Variants in FBXW11 observed in about 807,000 individuals in gnomAD.
FBXW11 encodes the protein F-box and WD repeat domain containing 11.
FBXW11 carries 19 observed loss-of-function variants against 77.6 expected under a neutral mutation model. The observed-to-expected ratio is 0.24, with a 90% confidence interval of 0.17 to 0.36. The LOEUF (loss-of-function observed/expected upper bound fraction) is 0.36. Among genes scored for constraint, FBXW11 ranks in the 10% least tolerant of loss-of-function variants. The probability of loss-of-function intolerance (pLI) is 1.00; values close to 1 mark genes in which losing one functional copy is unlikely to be tolerated. For missense variants in FBXW11, 334 were observed against 704.2 expected (o/e 0.47, Z 5.95); for synonymous variants, 235 against 249.4 (o/e 0.94, Z 0.54).
intron 1 of FBXW11, among the ~76,000 whole-genome samples, chr5:171,966,458 G>A (rs1324765414): frequency 1.3e-5 from 2 of 152,182 alleles, no homozygotes; most frequent in East Asian, 3.8e-4. Flanking sequence ...TGTTTGAGGT[G>A]GGAAGTGGAA....
chr5:172,006,398 G>A, intron 1 of FBXW11, 60 bp downstream of exon 1: 1 of 1,454,342 alleles, frequency 6.9e-7, no homozygotes, highest in South Asian at 1.3e-5. Flanking sequence ...CGTTGAGGTG[G>A]GCAGGCCCGC....
intron 2 of FBXW11, among the ~76,000 whole-genome samples, chr5:171,953,724 ATAAAG>A (rs1234500172): frequency 6.6e-6 from 1 of 152,184 alleles, no homozygotes; most frequent in Non-Finnish European, 1.5e-5. Context: ...GTTCGGGAAA[ATAAAG>A]TAACTTGCCC....
intron 1 of FBXW11, among the ~76,000 whole-genome samples, chr5:171,990,792 G>A (rs1765693884): frequency 6.6e-6 from 1 of 152,146 alleles, no homozygotes; most frequent in African/African-American, 2.4e-5. Context: ...GTAGTTGGGT[G>A]GCTAGAAGGA....
intron 2 of FBXW11, among the ~76,000 whole-genome samples, chr5:171,946,037 G>A (rs1261921857): frequency 6.6e-6 from 1 of 152,170 alleles, no homozygotes; most frequent in African/African-American, 2.4e-5. Context: ...ACAATCAGTA[G>A]ACTTTGAGTC....
At chr5:171,951,147 A>G (rs1213570434) in intron 2 of FBXW11, among the ~76,000 whole-genome samples, 2 of 152,094 alleles carry the variant, frequency 1.3e-5, no homozygotes, top group Non-Finnish European at 2.9e-5. Flanking sequence ...GTACAAGCCT[A>G]AAGATACATA....
intron 2 of FBXW11, among the ~76,000 whole-genome samples, chr5:171,948,920 T>C (rs1183250429): frequency 1.3e-5 from 2 of 152,252 alleles, no homozygotes; most frequent in African/African-American, 4.8e-5. Context: ...AAAGGGAATG[T>C]GATTTCTTAG....
chr5:171,876,216 C>T lies in FBXW11; in HGVS notation c.1221+69G>A. 6.3e-7 allele frequency: 1 copy of T among 1,583,984 alleles called. No homozygotes were observed. Among genetic ancestry groups the T allele is most frequent in the African/African-American group, 1.3e-5 (1 of 74,612 alleles). On this transcript the variant is annotated intron_variant, in intron 9 of 13. Transcript: ENST00000517395. The surrounding 1 kb of genome is among the most constrained non-coding windows in gnomAD (Gnocchi z 4.2). ...TTGCCAGGTACCAGGTTGGTATAAG[C>T]CACCTCTGCTTTGTCTCTGTTCTAA...
intron 2 of FBXW11, among the ~76,000 whole-genome samples, chr5:171,930,056 G>A (rs959432510): frequency 6.6e-5 from 10 of 152,258 alleles, no homozygotes; most frequent in South Asian, 4.1e-4. Flanking sequence ...ATCAAGGGCA[G>A]TTCAGGAAAA....
chr5:171,884,597 T>C (rs563207310), intron 7 of FBXW11, among the ~76,000 whole-genome samples: 4 of 152,348 alleles, frequency 2.6e-5, no homozygotes, highest in East Asian at 1.9e-4. Context: ...GGAATGGTTA[T>C]GTCCTTTCCT....
intron 1 of FBXW11, among the ~76,000 whole-genome samples, chr5:171,969,771 G>A (rs774563305): frequency 3.3e-5 from 5 of 151,956 alleles, no homozygotes; most frequent in Non-Finnish European, 7.4e-5. Context: ...GCATGATTTC[G>A]GCTCACTGCA....
intron 2 of FBXW11, among the ~76,000 whole-genome samples, chr5:171,956,099 G>GA (rs1373105084): frequency 5.3e-5 from 8 of 152,026 alleles, no homozygotes; most frequent in African/African-American, 1.9e-4. Context: ...TCCAGTTCTG[G>GA]AAAAAACTCG....
chr5:171,964,856 G>T (rs1764100942), intron 1 of FBXW11, among the ~76,000 whole-genome samples: 1 of 152,116 alleles, frequency 6.6e-6, no homozygotes, highest in Non-Finnish European at 1.5e-5. Flanking sequence ...TCCTTATAAT[G>T]GCATTTTATT....
intron 1 of FBXW11, among the ~76,000 whole-genome samples, chr5:171,981,842 A>G (rs1451685508): frequency 6.6e-6 from 1 of 152,234 alleles, no homozygotes; most frequent in Non-Finnish European, 1.5e-5. Context: ...CATATAATGC[A>G]ATGCTACTAA....
chr5:171,994,829 G>C (rs892641909), intron 1 of FBXW11, among the ~76,000 whole-genome samples: 1 of 152,038 alleles, frequency 6.6e-6, no homozygotes, highest in Non-Finnish European at 1.5e-5. Context: ...CTTGAGGCCC[G>C]GAGTTTGAGA....
At chr5:171,972,465 C>A (rs958733212) in intron 1 of FBXW11, among the ~76,000 whole-genome samples, 2 of 132,688 alleles carry the variant, frequency 1.5e-5, no homozygotes, top group Non-Finnish European at 3.1e-5. Flanking sequence ...CATGCCACTG[C>A]ACTCCACCCT....
intron 1 of FBXW11, among the ~76,000 whole-genome samples, chr5:171,987,964 T>C (rs1051525306): frequency 6.6e-6 from 1 of 152,176 alleles, no homozygotes; most frequent in Non-Finnish European, 1.5e-5. Context: ...TGCTCAATAA[T>C]GAATGGATGA....
intron 4 of FBXW11, among the ~76,000 whole-genome samples, chr5:171,908,324 G>A (rs1760662135): frequency 6.6e-6 from 1 of 152,072 alleles, no homozygotes; most frequent in African/African-American, 2.4e-5. Flanking sequence ...GAACTGAGTT[G>A]TAATCCTTAC....
At chr5:171,905,956 A>T (rs1278533890) in intron 4 of FBXW11, among the ~76,000 whole-genome samples, 3 of 152,210 alleles carry the variant, frequency 2.0e-5, no homozygotes, top group Non-Finnish European at 4.4e-5. Context: ...CTTCGCACAC[A>T]GTGCTGAAGA....
intron 2 of FBXW11, among the ~76,000 whole-genome samples, chr5:171,953,960 T>C (rs1763487787): frequency 6.6e-6 from 1 of 152,228 alleles, no homozygotes; most frequent in South Asian, 2.1e-4. Context: ...GAAGTTGTGC[T>C]ACTTACTGCC....
Sources: allele counts gnomAD v4.1 joint callset (sites outside exome capture counted in the v4.1 genomes callset), GRCh38; gene constraint gnomAD v4.1.1; non-coding constraint Gnocchi (gnomAD v3.1); transcripts MANE v1.5; gene names NCBI Gene and HGNC (gene_info 2026-07-23, HGNC 2026-07-21).